Variants in GPC5 observed in about 807,000 individuals in gnomAD.
The protein encoded by GPC5 is glypican-5.
Under a neutral mutation model 53.9 loss-of-function variants are expected in GPC5, and 47 were observed. That is an observed-to-expected ratio of 0.87 (90% CI 0.69 to 1.11). GPC5 has a LOEUF of 1.11. Ranked by LOEUF, GPC5 falls within the 50% of genes most tolerant of loss-of-function variation. The pLI is 0.00. For synonymous variants in GPC5, 286 were observed against 263.3 expected (o/e 1.09, Z -0.84); for missense variants, 748 against 713.1 (o/e 1.05, Z -0.56).
chr13:92,284,184 A>G (rs2042936650), intron 7 of GPC5, among the ~76,000 whole-genome samples: 2 of 152,326 alleles, frequency 1.3e-5, no homozygotes, highest in Admixed American at 1.3e-4. Flanking sequence ...CCAAGACTAA[A>G]CCAGGAAGAA....
chr13:92,334,361 C>T (rs1218020470), intron 7 of GPC5, among the ~76,000 whole-genome samples: 1 of 152,056 alleles, frequency 6.6e-6, no homozygotes, highest in Non-Finnish European at 1.5e-5. Flanking sequence ...ATGAGAAAAG[C>T]CCACCCCTAT....
chr13:91,687,255 T>G (rs2035643359), intron 2 of GPC5, among the ~76,000 whole-genome samples: 1 of 151,966 alleles, frequency 6.6e-6, no homozygotes, highest in Non-Finnish European at 1.5e-5. Context: ...TTCACTGATT[T>G]TGACATTTTT....
intron 6 of GPC5, among the ~76,000 whole-genome samples, chr13:91,960,283 T>C (rs929183565): frequency 2.6e-5 from 4 of 151,842 alleles, no homozygotes; most frequent in Non-Finnish European, 4.4e-5. Flanking sequence ...TATGTATCAA[T>C]AATGAACTAA....
chr13:91,900,096 T>C (rs2039482805), intron 5 of GPC5, among the ~76,000 whole-genome samples: 1 of 152,166 alleles, frequency 6.6e-6, no homozygotes. Flanking sequence ...TATATTTTAA[T>C]GTAGCCAGAA....
In GPC5 at chr13:92,866,527, G is replaced by A. The variant is rs1309339431; in HGVS notation, c.*88G>A. The A allele has an allele frequency of 9.4e-7, 1 of 1,063,544 alleles. No individual in the cohort carries two copies. The highest frequency in any genetic ancestry group is 2.8e-5 in the Admixed American group (1 of 35,164). The allele number at this position is 1,063,544 out of a possible 1,614,324, so 65.9% of individuals were successfully genotyped here. ...CTGGAATAAGAGATCCTTTTTCAATGTAACAATTATATTTATGAAAAGATA... is the reference window on the plus strand; with the variant it reads ...CTGGAATAAGAGATCCTTTTTCAATATAACAATTATATTTATGAAAAGATA... On this transcript the variant is annotated 3_prime_UTR_variant, in exon 8 of 8. Coordinates refer to ENST00000377067, the MANE Select transcript of GPC5 (RefSeq NM_004466.6).
intron 6 of GPC5, among the ~76,000 whole-genome samples, chr13:92,015,455 C>T (rs2040698416): frequency 6.6e-6 from 1 of 152,080 alleles, no homozygotes; most frequent in South Asian, 2.1e-4. Context: ...ACCCAGGTCC[C>T]TCTTCTCCTA....
intron 7 of GPC5, among the ~76,000 whole-genome samples, chr13:92,264,872 CTCTCTCTG>C (rs1297529843): frequency 3.4e-5 from 4 of 117,488 alleles, no homozygotes; most frequent in East Asian, 2.3e-4. Flanking sequence ...CTCTCTCTCT[CTCTCTCTG>C]TGTGTGTGTG....
chr13:91,740,185 TA>T (rs989867890), intron 4 of GPC5, among the ~76,000 whole-genome samples: 12 of 152,192 alleles, frequency 7.9e-5, no homozygotes, highest in African/African-American at 2.9e-4. Context: ...GCACTGCTTC[TA>T]GGGAATCTGA....
intron 6 of GPC5, among the ~76,000 whole-genome samples, chr13:91,961,621 G>A (rs1243243865): frequency 6.6e-6 from 1 of 152,028 alleles, no homozygotes; most frequent in African/African-American, 2.4e-5. Context: ...TAATAACACA[G>A]CAGAAAACAA....
chr13:91,578,414 T>G (rs558432247), intron 2 of GPC5, among the ~76,000 whole-genome samples: 1 of 152,334 alleles, frequency 6.6e-6, no homozygotes, highest in South Asian at 2.1e-4. Flanking sequence ...ATGTTTTTTC[T>G]TCCAGAATTT....
intron 4 of GPC5, among the ~76,000 whole-genome samples, chr13:91,742,515 A>G (rs1191548858): frequency 2.0e-5 from 3 of 152,218 alleles, no homozygotes; most frequent in African/African-American, 2.4e-5. Context: ...TATTATGCAC[A>G]CTAGTCCTGA....
rs2039374962 is a variant in GPC5 at position 91,890,636 on chromosome 13, G to T, written c.1281-17301G>T. Among the ~76,000 whole-genome samples the T allele has an allele frequency of 4.6e-5, 7 of 152,298 alleles. No individual in the cohort carries two copies. In the South Asian group the frequency reaches 1.4e-3, roughly 32 times the overall value. On this transcript the variant is annotated intron_variant, in intron 5 of 7. Transcript: ENST00000377067. ...TAGTCTTTGGCTATCATTTAAAATT[G>T]CTGGGCCAGCATTATTCTGTTAGGA...
chr13:92,571,227 A>C (rs1594313393), intron 7 of GPC5, among the ~76,000 whole-genome samples: 1 of 152,294 alleles, frequency 6.6e-6, no homozygotes, highest in East Asian at 1.9e-4. Flanking sequence ...CACATGTCAT[A>C]AATTGTTGCC....
chr13:92,371,863 A>G (rs1441842840), intron 7 of GPC5, among the ~76,000 whole-genome samples: 5 of 152,212 alleles, frequency 3.3e-5, no homozygotes, highest in Non-Finnish European at 7.3e-5. Context: ...TGTCAGAAAG[A>G]TGTAATGGAA....
chr13:91,913,449 G>A (rs565095887), intron 6 of GPC5, among the ~76,000 whole-genome samples: 212 of 151,306 alleles, frequency 1.4e-3, no homozygotes, highest in African/African-American at 4.6e-3. Flanking sequence ...CTAGAGAGAG[G>A]TCATAGCATA....
At chr13:92,758,364 TAC>T (rs1045596220) in intron 7 of GPC5, among the ~76,000 whole-genome samples, 4 of 148,008 alleles carry the variant, frequency 2.7e-5, no homozygotes, top group African/African-American at 9.9e-5. Flanking sequence ...TTGGGAGATA[TAC>T]CTAATGCTAG....
intron 6 of GPC5, among the ~76,000 whole-genome samples, chr13:91,964,732 G>A (rs1327725028): frequency 6.6e-6 from 1 of 151,944 alleles, no homozygotes; most frequent in Non-Finnish European, 1.5e-5. Context: ...CCCATTACTG[G>A]GTATATACCC....
chr13:92,801,341 T>C (rs1029710326), intron 7 of GPC5, among the ~76,000 whole-genome samples: 5 of 151,822 alleles, frequency 3.3e-5, no homozygotes, highest in African/African-American at 1.2e-4. Context: ...GGTGGCATCT[T>C]AGCTGTTGTA....
intron 5 of GPC5, among the ~76,000 whole-genome samples, chr13:91,848,343 C>T (rs565146726): frequency 1.1e-4 from 16 of 152,262 alleles, no homozygotes; most frequent in South Asian, 6.2e-4. Context: ...TGGATGTTCT[C>T]GCATACCGAA....
Sources: gnomAD v4.1 joint callset for allele counts (sites outside exome capture counted in the v4.1 genomes callset) on GRCh38, gnomAD v4.1.1 for gene constraint, MANE v1.5 for transcripts, NCBI Gene and HGNC (gene_info 2026-07-23, HGNC 2026-07-21) for gene names.